Variants in CUX1 observed in about 807,000 individuals in gnomAD.
CUX1 encodes the protein cut like homeobox 1, also known as protein CASP.
A neutral mutation model predicts 158.8 loss-of-function variants in CUX1; 31 were observed. That is an observed-to-expected ratio of 0.20 (90% CI 0.15 to 0.26). The LOEUF (loss-of-function observed/expected upper bound fraction) is 0.26, where lower values mean the gene tolerates loss of function less well. CUX1 is among the 10% of genes least tolerant of loss of function. The pLI is 1.00. For missense variants in CUX1, 1,589 were observed against 2,014.6 expected (o/e 0.79, Z 4.04); for synonymous variants, 879 against 862.1 (o/e 1.02, Z -0.34).
chr7:101,877,044 A>C (rs1584852759), intron 1 of CUX1, among the ~76,000 whole-genome samples: 1 of 152,308 alleles, frequency 6.6e-6, no homozygotes, highest in East Asian at 1.9e-4. Flanking sequence ...TCTTAGGTTA[A>C]ATTTCTAAAA....
chr7:101,948,629 G>C (rs906689863), intron 2 of CUX1, among the ~76,000 whole-genome samples: 1 of 152,174 alleles, frequency 6.6e-6, no homozygotes, highest in Non-Finnish European at 1.5e-5. Flanking sequence ...CTACTTTGTT[G>C]TAAGAGCCAA....
chr7:101,859,479 C>T (rs1007092801), intron 1 of CUX1, among the ~76,000 whole-genome samples: 1 of 152,204 alleles, frequency 6.6e-6, no homozygotes, highest in East Asian at 1.9e-4. Context: ...CCATTTCCTA[C>T]CGCCTCAAGC....
chr7:102,227,180 AATATGGAAGACTAGAG>A (rs1798422883), intron 20 of CUX1, among the ~76,000 whole-genome samples, 171 bp from the exon 21 acceptor site: 1 of 151,974 alleles, frequency 6.6e-6, no homozygotes, highest in Non-Finnish European at 1.5e-5. Flanking sequence ...TTTGTTTTTT[AATATGGAAGACTAGAG>A]GTTACTCTCA....
rs540429015 is a variant in CUX1 at position 102,189,757 on chromosome 7, A to C, written c.1018-56A>C. Reference sequence around the variant, plus strand: ...GTTCCGCAGTGAATGCCGTCGGTGAAGTCCGTCGACCTGTTGTCAGGCATG... The same window carrying C: ...GTTCCGCAGTGAATGCCGTCGGTGACGTCCGTCGACCTGTTGTCAGGCATG... On this transcript the variant is annotated intron_variant, in intron 11 of 23. Transcript: ENST00000292535. 7 of 1,585,086 alleles carry C rather than the reference A, an allele frequency of 4.4e-6. No individual in the cohort carries two copies. The African/African-American group carries it at 8.1e-5, about 18-fold the overall frequency.
intron 20 of CUX1, among the ~76,000 whole-genome samples, chr7:102,209,746 T>C (rs1203449350): frequency 6.6e-6 from 1 of 152,222 alleles, no homozygotes; most frequent in Non-Finnish European, 1.5e-5. Context: ...ATTCCAGGCT[T>C]CATCCCTCAT....
At chr7:101,953,142 G>C (rs1809309144) in intron 2 of CUX1, among the ~76,000 whole-genome samples, 1 of 152,180 alleles carries the variant, frequency 6.6e-6, no homozygotes, top group African/African-American at 2.4e-5. Flanking sequence ...GGAAGAGCTT[G>C]CAGTGGAAGG....
At chr7:102,158,993 G>T (rs1008959209) in intron 9 of CUX1, among the ~76,000 whole-genome samples, 1 of 151,762 alleles carries the variant, frequency 6.6e-6, no homozygotes, top group Non-Finnish European at 1.5e-5. Context: ...ATCTCACCAC[G>T]GTGTTATCCT....
At chr7:102,051,713 C>G (rs972087471) in intron 3 of CUX1, among the ~76,000 whole-genome samples, 12 of 151,568 alleles carry the variant, frequency 7.9e-5, no homozygotes, top group African/African-American at 2.9e-4. Context: ...TGCATAAATA[C>G]CTCTGGGAGG....
chr7:101,907,980 A>T (rs1802951142), intron 1 of CUX1, among the ~76,000 whole-genome samples: 1 of 152,142 alleles, frequency 6.6e-6, no homozygotes, highest in Admixed American at 6.6e-5. Flanking sequence ...ACCATCGTTT[A>T]CTTTTAGGAG....
At chr7:102,266,216 AAAAAG>A (rs1374631145) in intron 14 of CUX1, among the ~76,000 whole-genome samples, 1 of 150,520 alleles carries the variant, frequency 6.6e-6, no homozygotes, top group African/African-American at 2.5e-5. Context: ...AAAAAAAAAA[AAAAAG>A]AGAGAGAGAG....
chr7:101,983,067 A>C (rs1323954381), intron 2 of CUX1, among the ~76,000 whole-genome samples: 1 of 151,996 alleles, frequency 6.6e-6, no homozygotes, highest in Non-Finnish European at 1.5e-5. Context: ...CTGACGGCCC[A>C]CCTCAACAGG....
At chr7:102,042,658 T>C (rs1822254119) in intron 3 of CUX1, among the ~76,000 whole-genome samples, 1 of 152,214 alleles carries the variant, frequency 6.6e-6, no homozygotes, top group South Asian at 2.1e-4. Flanking sequence ...CCGAAAAGTC[T>C]ATCTCCTTTG....
chr7:102,033,941 A>T (rs2129345213), intron 3 of CUX1, among the ~76,000 whole-genome samples: 1 of 151,876 alleles, frequency 6.6e-6, no homozygotes, highest in East Asian at 1.9e-4. Context: ...AGGTTGGGAG[A>T]TCGAGACCAG....
intron 2 of CUX1, among the ~76,000 whole-genome samples, chr7:101,970,548 GTCTTTCTTT>G (rs1811824971): frequency 1.3e-5 from 2 of 152,066 alleles, no homozygotes; most frequent in African/African-American, 4.8e-5. Context: ...ACCTTCCCAT[GTCTTTCTTT>G]TCTTTCTTTC....
chr7:102,044,989 T>G, intron 3 of CUX1, among the ~76,000 whole-genome samples: 1 of 152,168 alleles, frequency 6.6e-6, no homozygotes, highest in East Asian at 1.9e-4. Flanking sequence ...TTGGGCCTTC[T>G]GCAGTGGTGG....
chr7:101,935,248 G>A (rs755929999), intron 2 of CUX1, among the ~76,000 whole-genome samples: 44 of 152,016 alleles, frequency 2.9e-4, no homozygotes, highest in African/African-American at 8.2e-4. Flanking sequence ...CACTCTGCCC[G>A]CCAGAGAACA....
At chr7:102,261,857 C>G (rs1311984357), downstream of CUX1, among the ~76,000 whole-genome samples, 1 of 152,198 alleles carries the variant, frequency 6.6e-6, no homozygotes, top group African/African-American at 2.4e-5. Context: ...TGGCTCACAC[C>G]TGTAATCCCA....
upstream of CUX1, chr7:101,817,340 AT>A: frequency 1.0e-6 from 1 of 984,108 alleles, no homozygotes; most frequent in Non-Finnish European, 1.2e-6. The surrounding 1 kb of genome is among the most constrained non-coding windows in gnomAD (Gnocchi z 4.1). Context: ...AGGGCCCGCC[AT>A]GGAGCGCGCG....
chr7:101,957,445 G>A lies in CUX1; in HGVS notation c.141+41220G>A, dbSNP rs1369205454. On this transcript the variant is annotated intron_variant, in intron 2 of 23. Transcript: ENST00000292535. ...AGAATGTTACTTTTTTTTAGGCAGG[G>A]AACGGTGGCTCACGCCTGTAATCCC... 2.6e-5 allele frequency among the ~76,000 whole-genome samples: 4 copies of A among 152,126 alleles called. No individual in the cohort carries two copies. The East Asian group carries it at 7.7e-4, about 29-fold the overall frequency.
Sources: gnomAD v4.1 joint callset for allele counts (sites outside exome capture counted in the v4.1 genomes callset) on GRCh38, gnomAD v4.1.1 for gene constraint, Gnocchi (gnomAD v3.1) non-coding constraint, MANE v1.5 for transcripts, NCBI Gene and HGNC (gene_info 2026-07-23, HGNC 2026-07-21) for gene names.